PPP2R2C: variants seen among roughly 807,000 people sequenced by gnomAD.
The protein encoded by PPP2R2C is protein phosphatase 2 regulatory subunit Bgamma.
Under a neutral mutation model 45.3 loss-of-function variants are expected in PPP2R2C, and 10 were observed. The ratio of observed to expected loss-of-function variants is 0.22; its 90% CI spans 0.14 to 0.37. The LOEUF (loss-of-function observed/expected upper bound fraction) is 0.37. Among genes scored for constraint, PPP2R2C ranks in the 10% least tolerant of loss-of-function variants. The pLI is 1.00. For missense variants in PPP2R2C, 308 were observed against 619.7 expected, an observed-to-expected ratio of 0.50 and a Z score of 5.34; for synonymous variants, 257 against 245.4, an observed-to-expected ratio of 1.05 and a Z score of -0.44.
At chr4:6,466,851 C>A (rs138073579) in intron 1 of PPP2R2C, among the ~76,000 whole-genome samples, 1 of 152,168 alleles carries the variant, frequency 6.6e-6, no homozygotes, top group African/African-American at 2.4e-5. Context: ...TCTGTGACTG[C>A]GCCAAGCTTT....
intron 1 of PPP2R2C, among the ~76,000 whole-genome samples, chr4:6,453,695 T>C (rs540652340): frequency 3.3e-5 from 5 of 152,286 alleles, no homozygotes; most frequent in African/African-American, 1.2e-4. Flanking sequence ...GGGAGGTCGG[T>C]GTGTCCTTCT....
chr4:6,383,093 A>G lies in PPP2R2C; in HGVS notation c.71-1999T>C, dbSNP rs1280703274. On this transcript the variant is annotated intron_variant, in intron 1 of 8. Coordinates refer to ENST00000382599, the MANE Select transcript of PPP2R2C (RefSeq NM_020416.4). ...TTTTGCTTTGGCCTGCAGAACGGCA[A>G]TTCGACAAGCCGCAAACAGAGATGC... The G allele has an allele frequency of 1.5e-4, 159 of 1,091,326 alleles. 1 individual carries two copies. The highest frequency in any genetic ancestry group is 1.7e-4 in the Non-Finnish European group (155 of 893,508). 67.6% of individuals were successfully genotyped at this position (1,091,326 alleles called of 1,614,324 possible).
rs930836146 is a variant in PPP2R2C at position 6,433,447 on chromosome 4, C to A, written c.70+38713G>T. Among the ~76,000 whole-genome samples the A allele has an allele frequency of 5.3e-5, 8 of 152,166 alleles. No homozygotes were observed. In the East Asian group the frequency reaches 1.5e-3, roughly 29 times the overall value. The stretch of plus-strand genomic sequence containing the variant: ...ACAGTTTTGCAGATCTAAGTAGCGT[C>A]GCCTGAAACGGTGCCGCCAAGTTTT... On this transcript the variant is annotated intron_variant, in intron 1 of 8. Transcript: ENST00000382599.
At chr4:6,525,352 G>T (rs1724164070) in intron 2 of PPP2R2C, among the ~76,000 whole-genome samples, 1 of 152,040 alleles carries the variant, frequency 6.6e-6, no homozygotes, top group South Asian at 2.1e-4. Flanking sequence ...TTGCAGTGAG[G>T]CAAGATTGTG....
At chr4:6,531,801 A>G (rs766935864) in intron 2 of PPP2R2C, among the ~76,000 whole-genome samples, 8 of 152,150 alleles carry the variant, frequency 5.3e-5, no homozygotes, top group African/African-American at 1.2e-4. Context: ...TCTCCAAAGA[A>G]GGCTGATGAG....
intron 2 of PPP2R2C, among the ~76,000 whole-genome samples, chr4:6,522,248 T>C (rs955066290): frequency 6.6e-6 from 1 of 152,188 alleles, no homozygotes; most frequent in African/African-American, 2.4e-5. Flanking sequence ...CCTTTAACCC[T>C]TTTCTGAGAC....
At chr4:6,500,381 C>G (rs1362251098) in intron 2 of PPP2R2C, among the ~76,000 whole-genome samples, 1 of 152,238 alleles carries the variant, frequency 6.6e-6, no homozygotes, top group Non-Finnish European at 1.5e-5. Flanking sequence ...CTCCTGACCT[C>G]AGATGATCTG....
chr4:6,468,661 G>T lies in PPP2R2C; in HGVS notation c.70+3499C>A, dbSNP rs527628960. ...ACCACCTCCCCTTGGCTGAGCTCCT[G>T]TGTCTTGGTCATCACTGCTGCCCAG... On this transcript the variant is annotated intron_variant, in intron 1 of 8. Coordinates refer to ENST00000382599, the MANE Select transcript of PPP2R2C (RefSeq NM_020416.4). Among the ~76,000 whole-genome samples, 12 of 152,292 alleles carry T rather than the reference G, an allele frequency of 7.9e-5. No homozygotes were observed. In the South Asian group the frequency reaches 2.5e-3, roughly 32 times the overall value.
chr4:6,450,105 T>C (rs923935786), intron 1 of PPP2R2C, among the ~76,000 whole-genome samples: 2 of 152,224 alleles, frequency 1.3e-5, no homozygotes, highest in African/African-American at 2.4e-5. Context: ...GGAAATAGCA[T>C]TGGCTTTGGA....
chr4:6,349,872 A>G, intron 5 of PPP2R2C: 3 of 981,724 alleles, frequency 3.1e-6, no homozygotes, highest in Non-Finnish European at 3.6e-6. Flanking sequence ...GCCTGGTGAC[A>G]GGGCAAGACT....
chr4:6,421,745 T>A (rs988465254), intron 1 of PPP2R2C, among the ~76,000 whole-genome samples: 1 of 150,108 alleles, frequency 6.7e-6, no homozygotes, highest in African/African-American at 2.4e-5. Context: ...CCTGGGGGAC[T>A]GACATCTTCT....
At position 6,511,852 on chromosome 4, in the gene PPP2R2C, GTGGTGGTGGTGA is replaced by G. The variant is rs1560594533; in HGVS notation, c.49+23407_49+23418del. On this transcript the variant is annotated intron_variant, in intron 2 of 9. Transcript: ENST00000506140. ...GGTGGTGGTGATGGTGGTGGTGGTG[GTGGTGGTGGTGA>G]TGGTGGTGGTGGTGGTGGTGGTGGT... Among the ~76,000 whole-genome samples the G allele has an allele frequency of 1.6e-3, 72 of 44,012 alleles. 7 individuals carry two copies. Among genetic ancestry groups the G allele is most frequent in the Admixed American group, 4.6e-3 (20 of 4,378 alleles). 28.9% of individuals were successfully genotyped at this position (44,012 alleles called of 152,430 possible). A position where few individuals can be genotyped will look rare whatever the true frequency, so the allele number is the denominator to read the frequency against.
At chr4:6,455,093 G>C (rs1418777372) in intron 1 of PPP2R2C, among the ~76,000 whole-genome samples, 1 of 152,140 alleles carries the variant, frequency 6.6e-6, no homozygotes, top group African/African-American at 2.4e-5. Context: ...GTAAGCAAGA[G>C]ACATAGAGAC....
chr4:6,460,621 T>C (rs1256896435), intron 1 of PPP2R2C, among the ~76,000 whole-genome samples: 5 of 152,080 alleles, frequency 3.3e-5, no homozygotes, highest in Non-Finnish European at 5.9e-5. Flanking sequence ...CATCTTTCAG[T>C]GAATAAAAAA....
chr4:6,549,048 G>T (rs1197841055), intron 1 of PPP2R2C, among the ~76,000 whole-genome samples: 2 of 152,130 alleles, frequency 1.3e-5, no homozygotes, highest in Non-Finnish European at 2.9e-5. Context: ...CCACGTGCAA[G>T]GTGTCTGGTA....
At chr4:6,374,334 G>C (rs772121525) in intron 4 of PPP2R2C, among the ~76,000 whole-genome samples, 2 of 152,162 alleles carry the variant, frequency 1.3e-5, no homozygotes, top group Non-Finnish European at 2.9e-5. Context: ...CCAAACCAGA[G>C]CTCAAAACCA....
intron 1 of PPP2R2C, among the ~76,000 whole-genome samples, chr4:6,457,081 C>T (rs1307210071): frequency 6.6e-6 from 1 of 151,870 alleles, no homozygotes. Flanking sequence ...CCGTGGCAGG[C>T]ACCTGTAATC....
rs563600384 is a variant in PPP2R2C at position 6,339,763 on chromosome 4, C to A, written c.791-6032G>T. ...CTGGAGGGGGAGGGGCCTATGGGGT[C>A]CTGGGCAGTGATCGCCCCTGGCTAC... is the stretch of plus-strand genomic sequence containing the variant. On this transcript the variant is annotated intron_variant, in intron 6 of 8. Coordinates refer to ENST00000382599, the MANE Select transcript of PPP2R2C (RefSeq NM_020416.4). Among the ~76,000 whole-genome samples, 3 of 152,196 alleles carry A rather than the reference C, an allele frequency of 2.0e-5. No individual in the cohort carries two copies. In the East Asian group the frequency reaches 5.8e-4, roughly 29 times the overall value.
intron 1 of PPP2R2C, among the ~76,000 whole-genome samples, chr4:6,437,471 T>C (rs1719949612): frequency 6.6e-6 from 1 of 152,230 alleles, no homozygotes. Flanking sequence ...GGGAGTGGCT[T>C]GTCCAGAATT....
Sources: gnomAD v4.1 joint callset for allele counts (sites outside exome capture counted in the v4.1 genomes callset) on GRCh38, gnomAD v4.1.1 for gene constraint, MANE v1.5 for transcripts, NCBI Gene and HGNC (gene_info 2026-07-23, HGNC 2026-07-21) for gene names.